ZNF385B: variants seen among roughly 807,000 people sequenced by gnomAD.
ZNF385B encodes zinc finger protein 385B.
ZNF385B carries 23 observed loss-of-function variants against 39.2 expected under a neutral mutation model. The ratio of observed to expected loss-of-function variants is 0.59; its 90% CI spans 0.42 to 0.83. The LOEUF (loss-of-function observed/expected upper bound fraction) is 0.83, where lower values mean the gene tolerates loss of function less well. ZNF385B is among the 40% of genes least tolerant of loss of function. The pLI is 0.00. For missense variants in ZNF385B, 552 were observed against 598.9 expected, an observed-to-expected ratio of 0.92 and a Z score of 0.82; for synonymous variants, 205 against 222.6, an observed-to-expected ratio of 0.92 and a Z score of 0.70.
At chr2:179,758,312 C>T (rs1339349357) in intron 3 of ZNF385B, among the ~76,000 whole-genome samples, 1 of 152,142 alleles carries the variant, frequency 6.6e-6, no homozygotes, top group Non-Finnish European at 1.5e-5. Context: ...AAGGTATCAG[C>T]AGATTTGGTG....
At chr2:179,613,509 C>CAGT (rs909889236) in intron 3 of ZNF385B, among the ~76,000 whole-genome samples, 7 of 152,252 alleles carry the variant, frequency 4.6e-5, no homozygotes, top group African/African-American at 1.7e-4. Flanking sequence ...TCCTTCAAGG[C>CAGT]AGTAGGTTCC....
At chr2:179,565,395 G>T (rs1349677991) in intron 3 of ZNF385B, among the ~76,000 whole-genome samples, 1 of 152,144 alleles carries the variant, frequency 6.6e-6, no homozygotes. Context: ...AACACTGAAG[G>T]ATTTAGTGAA....
At chr2:179,485,148 T>G (rs2054432531) in intron 5 of ZNF385B, among the ~76,000 whole-genome samples, 1 of 152,110 alleles carries the variant, frequency 6.6e-6, no homozygotes, top group Admixed American at 6.5e-5. Context: ...AGAAAAGAGA[T>G]GACACAGAAA....
intron 1 of ZNF385B, among the ~76,000 whole-genome samples, chr2:179,838,628 C>T (rs953816252): frequency 6.6e-6 from 1 of 152,096 alleles, no homozygotes; most frequent in Non-Finnish European, 1.5e-5. Flanking sequence ...AAAGCACATG[C>T]TTCTCTGGGA....
At chr2:179,475,922 C>T (rs2053393025) in intron 6 of ZNF385B, among the ~76,000 whole-genome samples, 1 of 145,166 alleles carries the variant, frequency 6.9e-6, no homozygotes, top group Admixed American at 7.2e-5. Flanking sequence ...GAGGCAGAGG[C>T]AGGAGAATCA....
intron 3 of ZNF385B, chr2:179,576,395 G>T: frequency 6.4e-6 from 1 of 156,644 alleles, no homozygotes; most frequent in Non-Finnish European, 1.4e-5. Context: ...TGGGAATGTG[G>T]CCTAAACAAG....
At chr2:179,664,514 G>T (rs1694903506) in intron 3 of ZNF385B, among the ~76,000 whole-genome samples, 1 of 152,074 alleles carries the variant, frequency 6.6e-6, no homozygotes, top group South Asian at 2.1e-4. Context: ...CATGAGTTCT[G>T]AGTCTGAAAA....
intron 5 of ZNF385B, among the ~76,000 whole-genome samples, chr2:179,485,266 G>T (rs970879698): frequency 3.3e-5 from 5 of 152,054 alleles, no homozygotes; most frequent in African/African-American, 1.2e-4. Flanking sequence ...TTGAAGCCTT[G>T]GTTATTATCA....
chr2:179,529,915 G>A (rs2059150458), intron 4 of ZNF385B, among the ~76,000 whole-genome samples: 2 of 152,120 alleles, frequency 1.3e-5, no homozygotes, highest in African/African-American at 4.8e-5. Flanking sequence ...AAATAAAATG[G>A]GTTGGGTGTT....
At chr2:179,468,612 C>A (rs1224146960) in intron 6 of ZNF385B, among the ~76,000 whole-genome samples, 1 of 152,164 alleles carries the variant, frequency 6.6e-6, no homozygotes, top group African/African-American at 2.4e-5. Flanking sequence ...AACAGATTCA[C>A]AAGGTACAAG....
At chr2:179,784,381 A>T (rs1430705278) in intron 1 of ZNF385B, among the ~76,000 whole-genome samples, 1 of 152,028 alleles carries the variant, frequency 6.6e-6, no homozygotes, top group Non-Finnish European at 1.5e-5. Flanking sequence ...GGTTTAATAC[A>T]TGAGTGGTGA....
At chr2:179,597,390 G>A (rs1293335811) in intron 3 of ZNF385B, among the ~76,000 whole-genome samples, 1 of 152,112 alleles carries the variant, frequency 6.6e-6, no homozygotes, top group Non-Finnish European at 1.5e-5. Flanking sequence ...CCAAAGTCTA[G>A]GATGTATATA....
intron 3 of ZNF385B, among the ~76,000 whole-genome samples, chr2:179,760,544 T>C (rs1310351820): frequency 6.6e-6 from 1 of 152,164 alleles, no homozygotes; most frequent in Non-Finnish European, 1.5e-5. Flanking sequence ...TATTCCTTAG[T>C]ACAGATGTAC....
At chr2:179,676,468 C>T (rs1412714246) in intron 3 of ZNF385B, among the ~76,000 whole-genome samples, 1 of 152,184 alleles carries the variant, frequency 6.6e-6, no homozygotes, top group African/African-American at 2.4e-5. Context: ...TCGTAATCTG[C>T]CCACCTTGGC....
intron 3 of ZNF385B, among the ~76,000 whole-genome samples, chr2:179,746,402 A>G (rs1021916406): frequency 6.6e-6 from 1 of 152,142 alleles, no homozygotes; most frequent in Non-Finnish European, 1.5e-5. Context: ...AACAAAAATA[A>G]TTCCATATAT....
intron 3 of ZNF385B, among the ~76,000 whole-genome samples, chr2:179,601,264 C>T (rs1055623746): frequency 2.0e-5 from 3 of 152,082 alleles, no homozygotes; most frequent in Non-Finnish European, 4.4e-5. Context: ...GAGGAGTAAG[C>T]GTTTTGGGCT....
chr2:179,669,498 C>A (rs1169371030), intron 3 of ZNF385B, among the ~76,000 whole-genome samples: 1 of 152,168 alleles, frequency 6.6e-6, no homozygotes, highest in Non-Finnish European at 1.5e-5. Context: ...TGCAAAGTGA[C>A]CACTAAGCCC....
intron 3 of ZNF385B, among the ~76,000 whole-genome samples, chr2:179,725,382 C>T (rs140907978): frequency 1.1e-3 from 162 of 151,872 alleles, no homozygotes; most frequent in African/African-American, 3.4e-3. Flanking sequence ...AAACAAGGTT[C>T]AGTTACCTTA....
In ZNF385B at chr2:179,477,783, T is replaced by A. The variant is rs184118874; in HGVS notation, c.715+5489A>T. Among the ~76,000 whole-genome samples, 3 of 148,776 alleles carry A rather than the reference T, an allele frequency of 2.0e-5. No homozygotes were observed. The East Asian group carries it at 5.8e-4, about 29-fold the overall frequency. Reference sequence around the variant, plus strand: ...TAAAATGAGTGCTGTTATTCAAATTTGTTCTTGAAGAAATTTGTAACTTCT... The same window carrying A: ...TAAAATGAGTGCTGTTATTCAAATTAGTTCTTGAAGAAATTTGTAACTTCT... On this transcript the variant is annotated intron_variant, in intron 6 of 9. Coordinates refer to ENST00000410066, the MANE Select transcript of ZNF385B (RefSeq NM_152520.6).
Sources: allele counts gnomAD v4.1 joint callset (sites outside exome capture counted in the v4.1 genomes callset), GRCh38; gene constraint gnomAD v4.1.1; transcripts MANE v1.5; gene names NCBI Gene and HGNC (gene_info 2026-07-23, HGNC 2026-07-21).